Variants in RBFOX1 observed in about 807,000 individuals in gnomAD.
RBFOX1 encodes RNA binding fox-1 homolog 1, also known as RNA binding protein fox-1 homolog 1.
RBFOX1 carries 8 observed loss-of-function variants against 57.7 expected under a neutral mutation model. That is an observed-to-expected ratio of 0.14 (90% confidence interval 0.08 to 0.25). The LOEUF is 0.25. RBFOX1 is among the 10% of genes least tolerant of loss of function. RBFOX1 has a pLI of 1.00. For synonymous variants in RBFOX1, 326 were observed against 222.4 expected, an observed-to-expected ratio of 1.47 and a Z score of -4.15; for missense variants, 611 against 548.5, an observed-to-expected ratio of 1.11 and a Z score of -1.14.
intron 3 of RBFOX1, among the ~76,000 whole-genome samples, chr16:5,825,754 T>C (rs938554116): frequency 3.4e-5 from 5 of 147,824 alleles, no homozygotes; most frequent in African/African-American, 7.4e-5. Flanking sequence ...TTCCTTAATA[T>C]GAATAAGGAA....
intron 2 of RBFOX1, among the ~76,000 whole-genome samples, chr16:6,335,901 AT>A (rs2083594104): frequency 6.6e-6 from 1 of 150,660 alleles, no homozygotes; most frequent in African/African-American, 2.4e-5. Flanking sequence ...TATGTCCATC[AT>A]TGTTCTCCAG....
At chr16:5,980,234 G>A (rs1389740920) in intron 4 of RBFOX1, among the ~76,000 whole-genome samples, 1 of 152,182 alleles carries the variant, frequency 6.6e-6, no homozygotes, top group Non-Finnish European at 1.5e-5. Flanking sequence ...ATCTCCCTTG[G>A]CTAAGTGATT....
intron 3 of RBFOX1, among the ~76,000 whole-genome samples, chr16:6,912,527 C>G (rs758809105): frequency 1.3e-5 from 2 of 152,062 alleles, no homozygotes; most frequent in South Asian, 2.1e-4. Context: ...AACTAAAGAC[C>G]TTCTGAGATT....
intron 2 of RBFOX1, among the ~76,000 whole-genome samples, chr16:6,467,253 T>C (rs2095070962): frequency 6.6e-6 from 1 of 151,632 alleles, no homozygotes; most frequent in African/African-American, 2.4e-5. Flanking sequence ...TTACAGTTAA[T>C]GTAATATAAA....
At chr16:7,464,133 G>C (rs1460691782) in intron 4 of RBFOX1, among the ~76,000 whole-genome samples, 1 of 152,114 alleles carries the variant, frequency 6.6e-6, no homozygotes, top group Non-Finnish European at 1.5e-5. Flanking sequence ...GGTGCTCAAT[G>C]GCTCTGATTT....
chr16:7,705,963 CAT>C (rs1462167934), intron 14 of RBFOX1, among the ~76,000 whole-genome samples: 1 of 152,094 alleles, frequency 6.6e-6, no homozygotes, highest in Non-Finnish European at 1.5e-5. Context: ...GGAGGATGAC[CAT>C]ATAGCTGGTC....
At chr16:6,003,418 C>T (rs1596382701) in intron 4 of RBFOX1, among the ~76,000 whole-genome samples, 1 of 152,120 alleles carries the variant, frequency 6.6e-6, no homozygotes, top group South Asian at 2.1e-4. Flanking sequence ...GCACCTGCTC[C>T]AAACAGTTTC....
At chr16:5,702,522 G>T (rs545051939) in intron 3 of RBFOX1, among the ~76,000 whole-genome samples, 1 of 152,360 alleles carries the variant, frequency 6.6e-6, no homozygotes, top group South Asian at 2.1e-4. Flanking sequence ...TTGCTGTGCA[G>T]ATGTCTGAGC....
intron 3 of RBFOX1, among the ~76,000 whole-genome samples, chr16:5,670,593 G>C (rs1185089471): frequency 6.6e-6 from 1 of 152,210 alleles, no homozygotes; most frequent in South Asian, 2.1e-4. Context: ...CTGTAAAAGA[G>C]ACAACTGTCA....
chr16:7,530,241 T>C (rs2079699896), intron 5 of RBFOX1, among the ~76,000 whole-genome samples: 1 of 152,086 alleles, frequency 6.6e-6, no homozygotes. Flanking sequence ...CAGAACCCAA[T>C]GTAAGGATGT....
chr16:5,790,023 A>G (rs1326319052), intron 3 of RBFOX1, among the ~76,000 whole-genome samples: 1 of 152,198 alleles, frequency 6.6e-6, no homozygotes, highest in Non-Finnish European at 1.5e-5. Flanking sequence ...ATGTGTGACC[A>G]TGACTGTGGG....
At chr16:7,561,610 T>A (rs1315344380) in intron 5 of RBFOX1, among the ~76,000 whole-genome samples, 1 of 152,204 alleles carries the variant, frequency 6.6e-6, no homozygotes, top group Non-Finnish European at 1.5e-5. Context: ...GATATCTCCA[T>A]GTCTCAGCAT....
intron 2 of RBFOX1, among the ~76,000 whole-genome samples, chr16:6,433,301 A>G (rs1023814948): frequency 6.6e-6 from 1 of 152,234 alleles, no homozygotes; most frequent in African/African-American, 2.4e-5. Flanking sequence ...TCATTTCAGC[A>G]TTATGTTCTG....
intron 2 of RBFOX1, among the ~76,000 whole-genome samples, chr16:6,530,345 C>T (rs968645336): frequency 8.5e-5 from 13 of 152,140 alleles, no homozygotes; most frequent in African/African-American, 3.1e-4. Flanking sequence ...CACATAGTTC[C>T]AGCAGAAACA....
At chr16:6,868,315 A>G (rs980047445) in intron 3 of RBFOX1, among the ~76,000 whole-genome samples, 9 of 152,186 alleles carry the variant, frequency 5.9e-5, no homozygotes, top group African/African-American at 2.2e-4. Flanking sequence ...AAGTAAGAGG[A>G]TGGTAAAACA....
intron 3 of RBFOX1, among the ~76,000 whole-genome samples, chr16:7,015,943 T>G (rs1291625914): frequency 1.3e-5 from 2 of 152,176 alleles, no homozygotes; most frequent in Non-Finnish European, 2.9e-5. Context: ...AAGACCCAGT[T>G]AATTCATCAT....
At chr16:5,489,145 C>T (rs2042742912) in intron 2 of RBFOX1, among the ~76,000 whole-genome samples, 1 of 152,208 alleles carries the variant, frequency 6.6e-6, no homozygotes, top group Non-Finnish European at 1.5e-5. Context: ...CTGTGGGCAG[C>T]AGAGGGAAGG....
intron 4 of RBFOX1, among the ~76,000 whole-genome samples, chr16:7,434,981 C>T (rs1430882010): frequency 6.6e-6 from 1 of 152,182 alleles, no homozygotes; most frequent in Admixed American, 6.5e-5. Flanking sequence ...CTTCAGTGAT[C>T]CGCCTGCCTT....
At chr16:7,531,230 T>C (rs74010555) in intron 5 of RBFOX1, among the ~76,000 whole-genome samples, 4,826 of 152,320 alleles carry the variant, frequency 0.032, 215 homozygotes, top group African/African-American at 0.11. Context: ...ATGCCCATTC[T>C]GATTGTCAGA....
Sources: allele counts gnomAD v4.1 joint callset (sites outside exome capture counted in the v4.1 genomes callset), GRCh38; gene constraint gnomAD v4.1.1; transcripts MANE v1.5; gene names NCBI Gene and HGNC (gene_info 2026-07-23, HGNC 2026-07-21).